UROC1: variants seen among roughly 807,000 people sequenced by gnomAD.
UROC1 encodes urocanate hydratase.
Under a neutral mutation model 89.5 loss-of-function variants are expected in UROC1, and 79 were observed. That is an observed-to-expected ratio of 0.88 (90% CI 0.74 to 1.06). UROC1 has a LOEUF of 1.06. UROC1 is among the 50% of genes least tolerant of loss of function. UROC1 has a pLI of 0.00. For synonymous variants in UROC1, 361 were observed against 354.8 expected (o/e 1.02, Z -0.20); for missense variants, 885 against 907.8 (o/e 0.97, Z 0.32).
At chr3:126,493,551 T>TGA (rs753382995) in intron 15 of UROC1, among the ~76,000 whole-genome samples, 5 of 152,240 alleles carry the variant, frequency 3.3e-5, no homozygotes, top group Non-Finnish European at 5.9e-5. Context: ...CTCGCTTATA[T>TGA]GAGGTTGTTG....
At chr3:126,506,120 G>A in intron 6 of UROC1, 109 bp from the exon 7 acceptor site, 1 of 1,162,496 alleles carries the variant, frequency 8.6e-7, no homozygotes, top group Non-Finnish European at 1.3e-6. Flanking sequence ...TACCCAATAG[G>A]CATTAATATA....
rs1487744971 is a variant in UROC1 at position 126,484,366 on chromosome 3, A to G, written c.1791-898T>C. Among the ~76,000 whole-genome samples, 5 of 152,338 alleles carry G rather than the reference A, an allele frequency of 3.3e-5. No individual in the cohort carries two copies. The East Asian group carries it at 9.7e-4, about 30-fold the overall frequency. ...AAGCATCCAGCCTTGGCTCCTGCTC[A>G]GTCTTCTCAGCTTTCAGTTACACAA... On this transcript the variant is annotated intron_variant, in intron 18 of 19. Coordinates refer to ENST00000290868, the MANE Select transcript of UROC1 (RefSeq NM_144639.3).
intron 16 of UROC1, 123 bp from the exon 17 acceptor site, chr3:126,489,498 C>A: frequency 1.3e-6 from 1 of 752,992 alleles, no homozygotes; most frequent in East Asian, 2.6e-5. Context: ...AAAATAGACC[C>A]TCTTCACAAC....
In UROC1 at chr3:126,503,980, A is replaced by T; in HGVS notation, c.902+15T>A. ...GTCAGGTGTCAGGTGTCCGGAGTTG[A>T]GCTTGGAGCTGTACCTGAGCCTCTG... On this transcript the variant is annotated intron_variant, in intron 9 of 19. Coordinates refer to ENST00000290868, the MANE Select transcript of UROC1 (RefSeq NM_144639.3). 6.2e-7 allele frequency: 1 copy of T among 1,613,900 alleles called. No homozygotes were observed. Among genetic ancestry groups the T allele is most frequent in the Non-Finnish European group, 8.5e-7 (1 of 1,179,994 alleles).
At chr3:126,494,438 G>C (rs1935728557) in intron 15 of UROC1, among the ~76,000 whole-genome samples, 1 of 152,090 alleles carries the variant, frequency 6.6e-6, no homozygotes, top group Admixed American at 6.5e-5. Flanking sequence ...TCCGAGTCTT[G>C]GCCTTGGCAT....
chr3:126,509,510 T>C (rs1453847722), intron 3 of UROC1, 75 bp downstream of exon 3: 1 of 1,354,092 alleles, frequency 7.4e-7, no homozygotes, highest in South Asian at 1.2e-5. Flanking sequence ...AATTAAGAGC[T>C]TAAAAGCATG....
At chr3:126,485,772 TG>T (rs1205233356) in intron 18 of UROC1, among the ~76,000 whole-genome samples, 1 of 151,734 alleles carries the variant, frequency 6.6e-6, no homozygotes, top group Non-Finnish European at 1.5e-5. Context: ...TGCATTTTAA[TG>T]ATATCCCCAG....
In UROC1 at chr3:126,481,500, C is replaced by A. The variant is rs2107529906; in HGVS notation, c.*845G>T. The A allele has an allele frequency of 6.6e-6, 1 of 152,274 alleles. No homozygotes were observed. Among genetic ancestry groups the A allele is most frequent in the South Asian group, 2.1e-4 (1 of 4,828 alleles). The allele number at this position is 152,274 out of a possible 1,614,324, so 9.4% of individuals were successfully genotyped here. The stretch of plus-strand genomic sequence containing the variant: ...TCTGGTTTTCTGTGGCCCTCAGAGG[C>A]CCACCCACAGACTCTTTCTCATTTC... On this transcript the variant is annotated 3_prime_UTR_variant, in exon 20 of 20. Coordinates refer to ENST00000290868, the MANE Select transcript of UROC1 (RefSeq NM_144639.3).
At chr3:126,503,553 T>G (rs1401582086) in intron 9 of UROC1, among the ~76,000 whole-genome samples, 1 of 152,178 alleles carries the variant, frequency 6.6e-6, no homozygotes, top group Non-Finnish European at 1.5e-5. Context: ...AGTGCACGCC[T>G]CACAGGCTCG....
Position 126,509,609 on chromosome 3 carries a change from G to T in UROC1, c.327C>A (p.Asn109Lys), listed in dbSNP as rs1362927908. 1.9e-6 allele frequency: 3 copies of T among 1,552,028 alleles called. No individual in the cohort carries two copies. The highest frequency in any genetic ancestry group is 2.6e-6 in the Non-Finnish European group (3 of 1,147,142). ...CCTGGGCCACGGCAGGATCCAGGTT[G>T]TTCATAATCATGTGCATGATGGCGG... ...VAAAIMHMIM[N>K]NLDPAVAQFP... Residue 109 changes from asparagine to lysine, a missense_variant, in exon 3 of 20, where the codon AAC becomes AAA. By Grantham distance (94) the Asn-to-Lys change is moderately conservative. Coordinates refer to ENST00000290868, the MANE Select transcript of UROC1 (RefSeq NM_144639.3).
chr3:126,514,881 G>A lies in UROC1; in HGVS notation c.126+2713C>T, dbSNP rs376114003. On this transcript the variant is annotated intron_variant, in intron 1 of 19. Coordinates refer to ENST00000290868, the MANE Select transcript of UROC1 (RefSeq NM_144639.3). ...TAAGGCCCCGGTGACTTCAGAAGGT[G>A]AACTGGGGAATTTACACTTTTATAC... is the stretch of plus-strand genomic sequence containing the variant. 3.3e-5 allele frequency among the ~76,000 whole-genome samples: 5 copies of A among 152,056 alleles called. No individual in the cohort carries two copies. The East Asian group carries it at 5.8e-4, about 18-fold the overall frequency.
chr3:126,501,940 T>A, intron 9 of UROC1: 1 of 1,594,828 alleles, frequency 6.3e-7, no homozygotes, highest in Non-Finnish European at 8.5e-7. Flanking sequence ...CAATCCCAGC[T>A]GAAGGACCCT....
At position 126,482,061 on chromosome 3, in the gene UROC1, C is replaced by T; in HGVS notation, c.*284G>A. ...AGCTTGACCAGTGTTCACCGCAGGG[C>T]CCCCGGGCAGGCTTGGGACTTGGCC... On this transcript the variant is annotated 3_prime_UTR_variant, in exon 20 of 20. Coordinates refer to ENST00000290868, the MANE Select transcript of UROC1 (RefSeq NM_144639.3). 2.0e-6 allele frequency: 1 copy of T among 490,716 alleles called. No individual in the cohort carries two copies. Among genetic ancestry groups the T allele is most frequent in the South Asian group, 2.2e-5 (1 of 44,572 alleles). 30.4% of individuals were successfully genotyped at this position (490,716 alleles called of 1,614,324 possible). A position where few individuals can be genotyped will look rare whatever the true frequency, so the allele number is the denominator to read the frequency against.
intron 15 of UROC1, among the ~76,000 whole-genome samples, chr3:126,492,807 G>C (rs1298925711): frequency 6.6e-6 from 1 of 152,162 alleles, no homozygotes; most frequent in African/African-American, 2.4e-5. Context: ...AGGGGCCTTG[G>C]AGCCCCTGAG....
chr3:126,508,784 C>G (rs1267064657), intron 3 of UROC1, among the ~76,000 whole-genome samples: 1 of 152,070 alleles, frequency 6.6e-6, no homozygotes, highest in Non-Finnish European at 1.5e-5. Flanking sequence ...GCGTTTCCAC[C>G]TACTAGGCGA....
chr3:126,489,902 T>C lies in UROC1; in HGVS notation c.1609-527A>G, dbSNP rs562554991. On this transcript the variant is annotated intron_variant, in intron 16 of 19. Transcript: ENST00000290868. ...ACTAAACAAGTGTCACTTCACACCA[T>C]TGTAAAGCAGAAAAATTGTTAAGTC... 5.9e-5 allele frequency among the ~76,000 whole-genome samples: 9 copies of C among 152,324 alleles called. No individual in the cohort carries two copies. In the South Asian group the frequency reaches 1.7e-3, roughly 28 times the overall value.
At chr3:126,483,274 A>C in intron 19 of UROC1, 95 bp downstream of exon 19, 1 of 1,176,534 alleles carries the variant, frequency 8.5e-7, no homozygotes, top group Admixed American at 1.9e-5. Context: ...CCCCATCCCC[A>C]CACCCAGGAG....
At position 126,500,041 on chromosome 3, in the gene UROC1, T is replaced by C. The variant is rs780447597; in HGVS notation, c.1243+16A>G. ...GTGGTGGCCCCTCCCTCCTCCTCCC[T>C]CCTCCTTCCTCCTACCTGCTCTCTG... On this transcript the variant is annotated intron_variant, in intron 12 of 19. Transcript: ENST00000290868. 2.5e-6 allele frequency: 4 copies of C among 1,608,980 alleles called. No individual in the cohort carries two copies. The Admixed American group carries it at 6.7e-5, about 27-fold the overall frequency.
At chr3:126,510,984 T>C (rs1936182464) in intron 1 of UROC1, among the ~76,000 whole-genome samples, 190 bp from the exon 2 acceptor site, 1 of 152,104 alleles carries the variant, frequency 6.6e-6, no homozygotes, top group African/African-American at 2.4e-5. Flanking sequence ...CCTTCCCTGA[T>C]CGCCCCCTCC....
Sources: allele counts gnomAD v4.1 joint callset (sites outside exome capture counted in the v4.1 genomes callset), GRCh38; gene constraint gnomAD v4.1.1; transcripts MANE v1.5; gene names NCBI Gene and HGNC (gene_info 2026-07-23, HGNC 2026-07-21).